Variants in ACTR3B observed in about 807,000 individuals in gnomAD.
ACTR3B encodes actin related protein 3B.
In ACTR3B, 8 loss-of-function variants were observed where a neutral mutation model predicts 59.0. That is an observed-to-expected ratio of 0.14 (90% CI 0.08 to 0.24). ACTR3B has a LOEUF of 0.24. Among genes scored for constraint, ACTR3B ranks in the 10% least tolerant of loss-of-function variants. The pLI is 1.00. For synonymous variants in ACTR3B, 148 were observed against 197.9 expected, an observed-to-expected ratio of 0.75 and a Z score of 2.12; for missense variants, 245 against 552.3, an observed-to-expected ratio of 0.44 and a Z score of 5.58.
chr7:152,788,158 T>C (rs1290810155), intron 2 of ACTR3B, among the ~76,000 whole-genome samples: 1 of 62,706 alleles, frequency 1.6e-5, no homozygotes, highest in Non-Finnish European at 2.8e-5. Context: ...GGTTTCACCA[T>C]GTTGGCCAGG....
rs1310603601 is a variant in ACTR3B at position 152,824,546 on chromosome 7, TAAAC to T, written c.859-479_859-476del. On this transcript the variant is annotated intron_variant, in intron 8 of 11. Transcript: ENST00000256001. This position sits in a 1 kb window ranked among gnomAD's most constrained non-coding sequence, Gnocchi z 4.2. ...GATTATCATGTGGATTGTTTCATGT[TAAAC>T]AAACCCTTCTCATTAAACAAAACAC... Among the ~76,000 whole-genome samples, 3 of 152,256 alleles carry T rather than the reference TAAAC, an allele frequency of 2.0e-5. No homozygotes were observed. Among genetic ancestry groups the T allele is most frequent in the African/African-American group, 4.8e-5 (2 of 41,464 alleles).
chr7:152,833,947 C>T (rs1048660756), intron 9 of ACTR3B, among the ~76,000 whole-genome samples: 8 of 151,896 alleles, frequency 5.3e-5, no homozygotes, highest in African/African-American at 9.7e-5. Context: ...TGGCTGACCC[C>T]GGGTGGGAAG....
intron 5 of ACTR3B, among the ~76,000 whole-genome samples, chr7:152,815,061 G>T (rs532463225): frequency 5.0e-4 from 75 of 151,486 alleles, no homozygotes; most frequent in African/African-American, 1.8e-3. Flanking sequence ...TCATGAGCTC[G>T]CAGAACTTGT....
chr7:152,804,475 C>T (rs1354589867), intron 4 of ACTR3B, among the ~76,000 whole-genome samples: 3 of 151,986 alleles, frequency 2.0e-5, no homozygotes, highest in African/African-American at 7.3e-5. Context: ...GCCACGTGGC[C>T]AGTTTTGTGT....
At chr7:152,773,385 G>C (rs1260959820) in intron 1 of ACTR3B, among the ~76,000 whole-genome samples, 2 of 152,046 alleles carry the variant, frequency 1.3e-5, no homozygotes, top group East Asian at 1.9e-4. Context: ...GTCAGAGTTC[G>C]AGACCAGCCT....
chr7:152,852,087 C>A (rs764553139), intron 9 of ACTR3B, 39 bp from the exon 10 acceptor site: 3 of 1,613,478 alleles, frequency 1.9e-6, no homozygotes, highest in Non-Finnish European at 2.5e-6. Flanking sequence ...TGTGGGCGGG[C>A]GGTTTTACCC....
chr7:152,777,567 C>T (rs1234739416), intron 1 of ACTR3B, among the ~76,000 whole-genome samples: 1 of 152,178 alleles, frequency 6.6e-6, no homozygotes, highest in African/African-American at 2.4e-5. Flanking sequence ...TCTGTCTATT[C>T]ATTTAGTAAC....
At chr7:152,780,710 T>C (rs539077997) in intron 1 of ACTR3B, among the ~76,000 whole-genome samples, 42 of 152,084 alleles carry the variant, frequency 2.8e-4, no homozygotes, top group African/African-American at 9.6e-4. Flanking sequence ...CTACTAGATT[T>C]ACCATTTGTT....
At chr7:152,849,025 C>T (rs901052585) in intron 9 of ACTR3B, among the ~76,000 whole-genome samples, 3 of 152,188 alleles carry the variant, frequency 2.0e-5, no homozygotes, top group African/African-American at 4.8e-5. Flanking sequence ...TGCCCAGTGA[C>T]CTCATGGTCT....
chr7:152,774,894 AACAATTTTACTTTT>A (rs1373958368), intron 1 of ACTR3B, among the ~76,000 whole-genome samples: 1 of 152,148 alleles, frequency 6.6e-6, no homozygotes, highest in Non-Finnish European at 1.5e-5. Flanking sequence ...AGGGTCTGGG[AACAATTTTACTTTT>A]ATCAAAGCCA....
Position 152,854,886 on chromosome 7 carries a change from C to A in ACTR3B, c.*333C>A. 1 of 224,258 alleles carries A rather than the reference C, an allele frequency of 4.5e-6. No individual in the cohort carries two copies. The highest frequency in any genetic ancestry group is 8.7e-6 in the Non-Finnish European group (1 of 114,348). The allele number at this position is 224,258 out of a possible 1,614,324, so 13.9% of individuals were successfully genotyped here. ...TAGAGAAAACAACATTAGAAAATGG[C>A]GCAAAATCGTTAGGTCCCAGGAGAG... On this transcript the variant is annotated 3_prime_UTR_variant, in exon 12 of 12. Transcript: ENST00000256001. This position sits in a 1 kb window ranked among gnomAD's most constrained non-coding sequence, Gnocchi z 4.9.
At chr7:152,789,298 G>A (rs1330017802) in intron 2 of ACTR3B, among the ~76,000 whole-genome samples, 1 of 149,054 alleles carries the variant, frequency 6.7e-6, no homozygotes, top group Non-Finnish European at 1.5e-5. Flanking sequence ...AGGCTGAGGT[G>A]GGATGATTGC....
In ACTR3B at chr7:152,854,586, C is replaced by G; in HGVS notation, c.*33C>G. On this transcript the variant is annotated 3_prime_UTR_variant, in exon 12 of 12. Coordinates refer to ENST00000256001, the MANE Select transcript of ACTR3B (RefSeq NM_020445.6). This position sits in a 1 kb window ranked among gnomAD's most constrained non-coding sequence, Gnocchi z 4.9. ...CTGAACGCGTCGTTCGATGGTGTCA[C>G]GTTGGGGAACAAGTGTCCTTCAGAA... 1 of 1,599,326 alleles carries G rather than the reference C, an allele frequency of 6.3e-7. No homozygotes were observed. Among genetic ancestry groups the G allele is most frequent in the African/African-American group, 1.3e-5 (1 of 74,704 alleles).
chr7:152,775,671 A>G (rs1481402599), intron 1 of ACTR3B, among the ~76,000 whole-genome samples: 1 of 151,962 alleles, frequency 6.6e-6, no homozygotes, highest in African/African-American at 2.4e-5. Flanking sequence ...AGGCAGGAGA[A>G]TCGCTTGAAC....
At chr7:152,853,380 C>T (rs148127598) in intron 10 of ACTR3B, 114 bp from the exon 11 acceptor site, 131 of 830,346 alleles carry the variant, frequency 1.6e-4, no homozygotes, top group Non-Finnish European at 2.0e-4. Flanking sequence ...AGGTGGTGCT[C>T]GTGCCATAAG....
intron 9 of ACTR3B, among the ~76,000 whole-genome samples, chr7:152,831,811 G>A (rs1402045478): frequency 1.3e-5 from 2 of 152,152 alleles, no homozygotes; most frequent in African/African-American, 2.4e-5. Flanking sequence ...CCTGGGATGC[G>A]CTTGGGGCCA....
chr7:152,819,739 G>GT (rs1390499859), intron 6 of ACTR3B, among the ~76,000 whole-genome samples: 2 of 151,996 alleles, frequency 1.3e-5, no homozygotes, highest in African/African-American at 4.8e-5. Context: ...CATCTGAACT[G>GT]TATCATTGGC....
At chr7:152,808,527 T>C (rs1330816123) in intron 4 of ACTR3B, among the ~76,000 whole-genome samples, 1 of 152,108 alleles carries the variant, frequency 6.6e-6, no homozygotes, top group African/African-American at 2.4e-5. Context: ...AATCTGATTC[T>C]TGTTGGTGAT....
chr7:152,790,682 T>C (rs894438482), intron 2 of ACTR3B, among the ~76,000 whole-genome samples: 10 of 152,130 alleles, frequency 6.6e-5, no homozygotes, highest in Non-Finnish European at 1.2e-4. Context: ...TTGTTAGCTT[T>C]CTTTTTTTAT....
Sources: allele counts gnomAD v4.1 joint callset (sites outside exome capture counted in the v4.1 genomes callset), GRCh38; gene constraint gnomAD v4.1.1; non-coding constraint Gnocchi (gnomAD v3.1); transcripts MANE v1.5; gene names NCBI Gene and HGNC (gene_info 2026-07-23, HGNC 2026-07-21).